Variants in PLCXD3 observed in about 807,000 individuals in gnomAD.
PLCXD3 encodes PI-PLC X domain-containing protein 3.
In PLCXD3, 19 loss-of-function variants were observed where a neutral mutation model predicts 25.5. The observed-to-expected ratio is 0.75, with a 90% confidence interval of 0.52 to 1.09. The LOEUF is 1.09. PLCXD3 is among the 50% of genes least tolerant of loss of function. The probability of loss-of-function intolerance (pLI) is 0.00; values close to 1 mark genes in which losing one functional copy is unlikely to be tolerated. For synonymous variants in PLCXD3, 174 were observed against 137.6 expected (o/e 1.26, Z -1.85); for missense variants, 411 against 388.1 (o/e 1.06, Z -0.50).
At chr5:41,500,206 G>T (rs562729847) in intron 1 of PLCXD3, among the ~76,000 whole-genome samples, 2 of 151,972 alleles carry the variant, frequency 1.3e-5, no homozygotes, top group East Asian at 3.9e-4. Context: ...AGAAAATGTG[G>T]CATGTATACA....
chr5:41,494,581 C>G (rs896127818), intron 1 of PLCXD3, among the ~76,000 whole-genome samples: 2 of 152,076 alleles, frequency 1.3e-5, no homozygotes, highest in Non-Finnish European at 2.9e-5. Context: ...TGAGGAGGAG[C>G]ACATTTGGCA....
intron 1 of PLCXD3, among the ~76,000 whole-genome samples, chr5:41,485,431 C>G (rs557146007): frequency 6.6e-6 from 1 of 152,190 alleles, no homozygotes; most frequent in South Asian, 2.1e-4. Flanking sequence ...AAATTGTATT[C>G]TTTGGTTGCT....
At chr5:41,391,121 T>A (rs1745802505) in intron 1 of PLCXD3, among the ~76,000 whole-genome samples, 1 of 152,060 alleles carries the variant, frequency 6.6e-6, no homozygotes, top group African/African-American at 2.4e-5. Context: ...CCAAGTAAAC[T>A]TAAAAGGCAG....
intron 2 of PLCXD3, among the ~76,000 whole-genome samples, chr5:41,322,299 A>G (rs1390475924): frequency 6.6e-6 from 1 of 152,248 alleles, no homozygotes; most frequent in Non-Finnish European, 1.5e-5. Context: ...AAGAAGACAT[A>G]CAAATGGCAA....
intron 2 of PLCXD3, among the ~76,000 whole-genome samples, chr5:41,378,153 G>A (rs1050029401): frequency 1.3e-5 from 2 of 152,086 alleles, no homozygotes; most frequent in Non-Finnish European, 2.9e-5. Context: ...TAAGTGATAA[G>A]TATTAATAAA....
chr5:41,448,922 A>G (rs768381007), intron 1 of PLCXD3, among the ~76,000 whole-genome samples: 2 of 152,216 alleles, frequency 1.3e-5, no homozygotes, highest in Non-Finnish European at 2.9e-5. Flanking sequence ...CTCCCCTAAA[A>G]GAATCTTCCA....
intron 1 of PLCXD3, among the ~76,000 whole-genome samples, chr5:41,391,186 G>C (rs1433194220): frequency 5.3e-5 from 8 of 152,082 alleles, no homozygotes. Flanking sequence ...TTCAGCCCAG[G>C]GACAGTGGAC....
intron 2 of PLCXD3, among the ~76,000 whole-genome samples, chr5:41,329,489 G>C (rs981376217): frequency 6.6e-6 from 1 of 152,146 alleles, no homozygotes; most frequent in Admixed American, 6.6e-5. Context: ...AGAAGTATAT[G>C]CAGTAACATA....
intron 2 of PLCXD3, among the ~76,000 whole-genome samples, chr5:41,318,735 A>C (rs1180596688): frequency 6.6e-6 from 1 of 152,176 alleles, no homozygotes; most frequent in Non-Finnish European, 1.5e-5. Context: ...GCAAGGAGTA[A>C]GTCCTTACTT....
intron 1 of PLCXD3, among the ~76,000 whole-genome samples, chr5:41,446,706 C>A (rs1224907376): frequency 6.6e-6 from 1 of 152,072 alleles, no homozygotes; most frequent in African/African-American, 2.4e-5. Context: ...GCTCAGCTGT[C>A]ATAGAACAGT....
intron 1 of PLCXD3, among the ~76,000 whole-genome samples, chr5:41,462,875 C>G (rs966888230): frequency 3.3e-5 from 5 of 151,892 alleles, no homozygotes; most frequent in African/African-American, 1.2e-4. Flanking sequence ...TTTTCTTTGT[C>G]TTGGCCAACC....
intron 1 of PLCXD3, among the ~76,000 whole-genome samples, chr5:41,415,219 A>T (rs1483619032): frequency 6.6e-6 from 1 of 152,190 alleles, no homozygotes; most frequent in East Asian, 1.9e-4. Context: ...GTGAGATTAG[A>T]ATTCCAGCCT....
chr5:41,359,634 C>T (rs963830917), intron 2 of PLCXD3, among the ~76,000 whole-genome samples: 5 of 152,036 alleles, frequency 3.3e-5, no homozygotes, highest in African/African-American at 1.2e-4. Context: ...GTTAATTTTG[C>T]CAATGGTCTA....
At chr5:41,461,137 T>G (rs1747863190) in intron 1 of PLCXD3, among the ~76,000 whole-genome samples, 1 of 151,948 alleles carries the variant, frequency 6.6e-6, no homozygotes, top group Non-Finnish European at 1.5e-5. Flanking sequence ...GTAAATAAAC[T>G]AAAAAATTAT....
intron 1 of PLCXD3, 95 bp from the exon 2 acceptor site, chr5:41,382,629 T>A: frequency 1.0e-6 from 1 of 953,196 alleles, no homozygotes; most frequent in Non-Finnish European, 1.5e-6. Context: ...CTCCCTCAAA[T>A]GAGCCACAGA....
At chr5:41,429,912 G>GA (rs1580369371) in intron 1 of PLCXD3, among the ~76,000 whole-genome samples, 1 of 152,036 alleles carries the variant, frequency 6.6e-6, no homozygotes, top group African/African-American at 2.4e-5. Context: ...TATATTTTTA[G>GA]AAAAATATTC....
intron 1 of PLCXD3, among the ~76,000 whole-genome samples, chr5:41,448,519 A>G (rs749401104): frequency 1.3e-5 from 2 of 152,254 alleles, no homozygotes; most frequent in South Asian, 2.1e-4. Flanking sequence ...TTGTAAAATC[A>G]TATAGAACTA....
At chr5:41,338,291 A>G (rs1744040553) in intron 2 of PLCXD3, among the ~76,000 whole-genome samples, 1 of 151,774 alleles carries the variant, frequency 6.6e-6, no homozygotes, top group African/African-American at 2.4e-5. Context: ...AGCCTCTTTG[A>G]TGTTCACAAT....
chr5:41,401,337 G>A (rs1036253628), intron 1 of PLCXD3, among the ~76,000 whole-genome samples: 2 of 151,924 alleles, frequency 1.3e-5, no homozygotes, highest in African/African-American at 4.8e-5. Flanking sequence ...TATAGTTTTG[G>A]CATTTATATC....
Sources: allele counts gnomAD v4.1 joint callset (sites outside exome capture counted in the v4.1 genomes callset), GRCh38; gene constraint gnomAD v4.1.1; transcripts MANE v1.5; gene names NCBI Gene and HGNC (gene_info 2026-07-23, HGNC 2026-07-21).